Variants in GALNTL6 observed in about 807,000 individuals in gnomAD.
GALNTL6 encodes the protein polypeptide N-acetylgalactosaminyltransferase-like 6.
Under a neutral mutation model 73.7 loss-of-function variants are expected in GALNTL6, and 46 were observed. That is an observed-to-expected ratio of 0.62 (90% confidence interval 0.49 to 0.80). The LOEUF is 0.80. Ranked by LOEUF, GALNTL6 falls within the 30% of genes least tolerant of loss-of-function variation. GALNTL6 has a pLI of 0.00. For missense variants in GALNTL6, 604 were observed against 755.0 expected, an observed-to-expected ratio of 0.80 and a Z score of 2.34; for synonymous variants, 259 against 263.7, an observed-to-expected ratio of 0.98 and a Z score of 0.17.
chr4:172,529,199 A>C (rs1037742309), intron 5 of GALNTL6, among the ~76,000 whole-genome samples: 2 of 151,624 alleles, frequency 1.3e-5, no homozygotes, highest in Non-Finnish European at 2.9e-5. Context: ...AGAAAGTTAA[A>C]TTATATTCTA....
chr4:171,960,017 A>T (rs1035428537), intron 2 of GALNTL6, among the ~76,000 whole-genome samples: 3 of 152,174 alleles, frequency 2.0e-5, no homozygotes, highest in Non-Finnish European at 4.4e-5. Context: ...TTGTCTAATC[A>T]CTTCTTACTC....
intron 5 of GALNTL6, among the ~76,000 whole-genome samples, chr4:172,476,695 C>T (rs1243963284): frequency 6.6e-6 from 1 of 152,034 alleles, no homozygotes; most frequent in African/African-American, 2.4e-5. Context: ...AACATAAAAA[C>T]TGGAGAGGTA....
chr4:172,565,271 CT>C (rs1325405360), intron 5 of GALNTL6, among the ~76,000 whole-genome samples: 1 of 152,080 alleles, frequency 6.6e-6, no homozygotes, highest in Non-Finnish European at 1.5e-5. Context: ...ATTCTTTTGT[CT>C]TTTTTTGGAT....
chr4:172,726,183 C>A (rs1735789592), intron 5 of GALNTL6, among the ~76,000 whole-genome samples: 2 of 152,200 alleles, frequency 1.3e-5, no homozygotes, highest in Admixed American at 1.3e-4. Flanking sequence ...GGGCCCTGAT[C>A]AGCTAGCGAG....
chr4:172,489,040 T>C (rs2110740097), intron 5 of GALNTL6, among the ~76,000 whole-genome samples: 1 of 152,334 alleles, frequency 6.6e-6, no homozygotes, highest in South Asian at 2.1e-4. Context: ...TGAAATGATG[T>C]GTAACTTTGC....
At chr4:171,873,182 AAAC>A (rs1463356250) in intron 2 of GALNTL6, among the ~76,000 whole-genome samples, 9 of 152,324 alleles carry the variant, frequency 5.9e-5, no homozygotes, top group African/African-American at 1.9e-4. Context: ...TCTATATTTT[AAAC>A]AAATGATCAT....
At chr4:171,918,958 A>G (rs1042735474) in intron 2 of GALNTL6, among the ~76,000 whole-genome samples, 1 of 152,148 alleles carries the variant, frequency 6.6e-6, no homozygotes, top group African/African-American at 2.4e-5. Context: ...GAAACAGAGT[A>G]GAATAGTAGT....
chr4:173,021,569 G>T lies in GALNTL6; in HGVS notation c.1582G>T (p.Val528Phe). Residue 528 changes from valine (V) to phenylalanine (F), a missense_variant, in exon 12 of 13, where the codon GTT (valine) becomes TTT (phenylalanine). Coordinates refer to ENST00000506823, the MANE Select transcript of GALNTL6 (RefSeq NM_001034845.3). The part of the protein sequence containing the change: ...CFDAISHNSP[V>F]TLYDCHGMKG... The stretch of plus-strand genomic sequence containing the variant: ...TGATGCGATCTCACACAACAGCCCC[G>T]TTACACTCTATGACTGTCATGGCAT... 6.2e-7 allele frequency: 1 copy of T among 1,614,118 alleles called. No homozygotes were observed. The highest frequency in any genetic ancestry group is 8.5e-7 in the Non-Finnish European group (1 of 1,179,996).
chr4:173,016,291 A>AG lies in GALNTL6; in HGVS notation c.1489-5182dup, dbSNP rs145035699. ...CACTACCTAGTGGATCTGGGAGAAG[A>AG]GGGCCACCATCCTCCAGACCCCAGT... On this transcript the variant is annotated intron_variant, in intron 11 of 12. Transcript: ENST00000506823. Among the ~76,000 whole-genome samples the AG allele has an allele frequency of 7.4e-3, 1,133 of 152,288 alleles. 18 individuals carry two copies. Among genetic ancestry groups the AG allele is most frequent in the East Asian group, 0.07 (363 of 5,168 alleles).
At chr4:172,137,346 T>C (rs7685039) in intron 2 of GALNTL6, among the ~76,000 whole-genome samples, 6 of 152,206 alleles carry the variant, frequency 3.9e-5, no homozygotes, top group African/African-American at 1.4e-4. Flanking sequence ...TCTACATAAA[T>C]GCAGGGGAAA....
At chr4:172,121,377 A>G (rs1733147506) in intron 2 of GALNTL6, among the ~76,000 whole-genome samples, 1 of 151,854 alleles carries the variant, frequency 6.6e-6, no homozygotes, top group Non-Finnish European at 1.5e-5. Context: ...TTCATATATA[A>G]GAACCCTCAC....
At chr4:171,927,915 C>G (rs376687700) in intron 2 of GALNTL6, among the ~76,000 whole-genome samples, 1 of 152,060 alleles carries the variant, frequency 6.6e-6, no homozygotes, top group Non-Finnish European at 1.5e-5. Context: ...TAACTTTGGA[C>G]GCCACTCGTC....
intron 10 of GALNTL6, among the ~76,000 whole-genome samples, chr4:172,989,287 A>G (rs1319306006): frequency 6.6e-6 from 1 of 152,216 alleles, no homozygotes; most frequent in Non-Finnish European, 1.5e-5. Flanking sequence ...TGTATCTTGG[A>G]CATAACTAAC....
chr4:172,399,053 G>T (rs75756901), intron 5 of GALNTL6, among the ~76,000 whole-genome samples: 3,146 of 152,036 alleles, frequency 0.021, 105 homozygotes, highest in African/African-American at 0.071. Flanking sequence ...GTTAAAATAT[G>T]TATTTTGTTA....
intron 5 of GALNTL6, among the ~76,000 whole-genome samples, chr4:172,590,735 A>G (rs750260318): frequency 3.9e-5 from 6 of 152,202 alleles, no homozygotes. Context: ...ATGCCTGGAA[A>G]TGTGGCTTCT....
intron 2 of GALNTL6, among the ~76,000 whole-genome samples, chr4:172,053,216 T>C (rs1462848644): frequency 6.6e-6 from 1 of 152,170 alleles, no homozygotes; most frequent in Non-Finnish European, 1.5e-5. Flanking sequence ...AATTTTGTAA[T>C]TTCTGAATCA....
intron 5 of GALNTL6, among the ~76,000 whole-genome samples, chr4:172,648,649 T>TA (rs531008396): frequency 5.4e-4 from 82 of 152,282 alleles, no homozygotes; most frequent in African/African-American, 1.9e-3. Flanking sequence ...AACAGTATAA[T>TA]ACATGCTGAG....
rs531694779 is a variant in GALNTL6 at position 172,607,145 on chromosome 4, T to C, written c.554-202216T>C. Among the ~76,000 whole-genome samples, 23 of 152,238 alleles carry C rather than the reference T, an allele frequency of 1.5e-4. No homozygotes were observed. In the South Asian group the frequency reaches 4.8e-3, roughly 32 times the overall value. ...CCCCAAAAAAAATAAGAGAAAAAAGTAAACAATTTGTCAAAATATAAACAA... is the reference window on the plus strand; with the variant it reads ...CCCCAAAAAAAATAAGAGAAAAAAGCAAACAATTTGTCAAAATATAAACAA... On this transcript the variant is annotated intron_variant, in intron 5 of 12. Coordinates refer to ENST00000506823, the MANE Select transcript of GALNTL6 (RefSeq NM_001034845.3).
chr4:172,201,393 G>C (rs939609439), intron 2 of GALNTL6, among the ~76,000 whole-genome samples: 21 of 151,926 alleles, frequency 1.4e-4, no homozygotes, highest in African/African-American at 5.1e-4. Context: ...TTTTAGTAGA[G>C]ATGGGGTTTC....
Sources: allele counts gnomAD v4.1 joint callset (sites outside exome capture counted in the v4.1 genomes callset), GRCh38; gene constraint gnomAD v4.1.1; transcripts MANE v1.5; gene names NCBI Gene and HGNC (gene_info 2026-07-23, HGNC 2026-07-21).